Variants in MAPK10 observed in about 807,000 individuals in gnomAD.
The protein encoded by MAPK10 is mitogen-activated protein kinase 10.
MAPK10 carries 25 observed loss-of-function variants against 59.3 expected under a neutral mutation model. The ratio of observed to expected loss-of-function variants is 0.42; its 90% CI spans 0.31 to 0.59. The LOEUF is 0.59. Ranked by LOEUF, MAPK10 falls within the 20% of genes least tolerant of loss-of-function variation. The pLI, the probability that MAPK10 is intolerant of heterozygous loss-of-function variation, is 0.15. For missense variants in MAPK10, 351 were observed against 568.9 expected, an observed-to-expected ratio of 0.62 and a Z score of 3.90; for synonymous variants, 190 against 200.5, an observed-to-expected ratio of 0.95 and a Z score of 0.44.
intron 2 of MAPK10, among the ~76,000 whole-genome samples, chr4:86,319,822 C>A (rs1427677896): frequency 2.6e-5 from 4 of 152,206 alleles, no homozygotes; most frequent in Non-Finnish European, 5.9e-5. Context: ...TAAAGACAAC[C>A]CTGGGATACC....
At chr4:86,361,970 T>C (rs552160685), upstream of MAPK10, among the ~76,000 whole-genome samples, 5 of 152,104 alleles carry the variant, frequency 3.3e-5, no homozygotes, top group Non-Finnish European at 7.4e-5. Context: ...TGGTGTACTA[T>C]TGCACAGCAC....
In MAPK10 at chr4:86,433,741, C is replaced by G. The variant is rs537541823; in HGVS notation, c.-122+19289G>C. Among the ~76,000 whole-genome samples, 21 of 151,822 alleles carry G rather than the reference C, an allele frequency of 1.4e-4. No individual in the cohort carries two copies. The South Asian group carries it at 4.4e-3, about 32-fold the overall frequency. ...AAAAACTGCTGGACCACGACTAGGC[C>G]GAGCTGTGCCCAGTCCAAGGCTCTA... On this transcript the variant is annotated intron_variant, in intron 1 of 13. Transcript: ENST00000361569.
rs931496212 is a variant in MAPK10, at chr4:86,546,522, A to G, written c.-263+47388T>C. On this transcript the variant is annotated intron_variant, in intron 1 of 4. Transcript: ENST00000502302. ...CAGTGAGACGAGATCGCGCTACTGC[A>G]CTCCAGCCTGGGGGACAAGAGCGAA... is the stretch of plus-strand genomic sequence containing the variant. 3.5e-4 allele frequency among the ~76,000 whole-genome samples: 53 copies of G among 150,518 alleles called. 1 individual carries two copies. Among genetic ancestry groups the G allele is most frequent in the African/African-American group, 1.2e-3 (51 of 40,898 alleles).
intron 1 of MAPK10, among the ~76,000 whole-genome samples, chr4:86,527,815 G>A (rs187202991): frequency 5.0e-4 from 76 of 152,264 alleles, no homozygotes; most frequent in African/African-American, 1.7e-3. Context: ...GAAATACTAT[G>A]CAGCATAAAA....
chr4:86,314,724 A>G (rs2095743219), intron 2 of MAPK10, among the ~76,000 whole-genome samples: 1 of 152,194 alleles, frequency 6.6e-6, no homozygotes. Context: ...CTGATTACAA[A>G]GAGAATACAT....
At chr4:86,433,225 T>C (rs750671423) in intron 1 of MAPK10, among the ~76,000 whole-genome samples, 156 of 152,244 alleles carry the variant, frequency 1.0e-3, no homozygotes, top group Middle Eastern at 3.4e-3. Context: ...CTTTACTCCA[T>C]TGATGCCCAC....
At chr4:86,232,640 T>C (rs1466766308) in intron 2 of MAPK10, among the ~76,000 whole-genome samples, 3 of 151,752 alleles carry the variant, frequency 2.0e-5, no homozygotes, top group African/African-American at 4.9e-5. Context: ...CCCAAAGTGC[T>C]GGGATTACAG....
At chr4:86,387,192 G>A (rs1241242828) in intron 1 of MAPK10, among the ~76,000 whole-genome samples, 3 of 152,158 alleles carry the variant, frequency 2.0e-5, no homozygotes, top group East Asian at 1.9e-4. Flanking sequence ...AGCTGGTCAC[G>A]TTACGGCTGG....
chr4:86,346,008 G>A (rs998349304), intron 2 of MAPK10, among the ~76,000 whole-genome samples: 9 of 152,176 alleles, frequency 5.9e-5, no homozygotes, highest in African/African-American at 2.2e-4. Flanking sequence ...TTTTATACAT[G>A]ATATCAGATT....
At chr4:86,378,129 A>G (rs1465746052) in intron 1 of MAPK10, among the ~76,000 whole-genome samples, 1 of 152,174 alleles carries the variant, frequency 6.6e-6, no homozygotes, top group Non-Finnish European at 1.5e-5. Flanking sequence ...AACTTATATT[A>G]CACCATGTCT....
At chr4:86,312,569 C>G (rs1284584210) in intron 2 of MAPK10, among the ~76,000 whole-genome samples, 1 of 152,048 alleles carries the variant, frequency 6.6e-6, no homozygotes, top group Non-Finnish European at 1.5e-5. Flanking sequence ...TAAGGTTTTT[C>G]ACATAGTCTA....
intron 2 of MAPK10, among the ~76,000 whole-genome samples, chr4:86,273,508 A>C (rs1432703921): frequency 6.6e-6 from 1 of 152,010 alleles, no homozygotes; most frequent in East Asian, 1.9e-4. Flanking sequence ...ACTGGTGCCT[A>C]TTATCTCCAG....
intron 1 of MAPK10, among the ~76,000 whole-genome samples, chr4:86,474,792 C>A (rs952348861): frequency 6.6e-6 from 1 of 152,294 alleles, no homozygotes; most frequent in African/African-American, 2.4e-5. Flanking sequence ...TGAGCCCAAG[C>A]TAAGCCATCA....
chr4:86,463,645 G>A (rs1579306043), intron 1 of MAPK10, among the ~76,000 whole-genome samples: 1 of 152,152 alleles, frequency 6.6e-6, no homozygotes, highest in Non-Finnish European at 1.5e-5. Context: ...GCCACACAAA[G>A]TAGCCATATG....
At chr4:86,445,211 C>T (rs1564880887) in intron 1 of MAPK10, among the ~76,000 whole-genome samples, 1 of 152,168 alleles carries the variant, frequency 6.6e-6, no homozygotes, top group African/African-American at 2.4e-5. Flanking sequence ...AAATGTGGCA[C>T]ATATACACCA....
chr4:86,169,309 C>A (rs7698274), intron 3 of MAPK10, among the ~76,000 whole-genome samples: 50,279 of 151,818 alleles, frequency 0.33, 11,647 homozygotes, highest in African/African-American at 0.66. Flanking sequence ...GAAGTTAAAA[C>A]CTTTGAAAAA....
chr4:86,370,624 C>G (rs1471457232), intron 1 of MAPK10: 2 of 145,138 alleles, frequency 1.4e-5, no homozygotes, highest in Admixed American at 1.4e-4. Flanking sequence ...ACACGTGAAA[C>G]AAAAAAAAAA....
intron 1 of MAPK10, among the ~76,000 whole-genome samples, chr4:86,526,781 G>T (rs183800637): frequency 1.3e-5 from 2 of 152,058 alleles, no homozygotes; most frequent in African/African-American, 4.8e-5. Context: ...TATTTTCAAA[G>T]AATTTTTTGA....
At chr4:86,248,046 A>AAAG (rs1444383171) in intron 2 of MAPK10, among the ~76,000 whole-genome samples, 1 of 152,206 alleles carries the variant, frequency 6.6e-6, no homozygotes, top group African/African-American at 2.4e-5. Flanking sequence ...AGAGCTAAAT[A>AAAG]AAGAGTCAAA....
Sources: gnomAD v4.1 joint callset for allele counts (sites outside exome capture counted in the v4.1 genomes callset) on GRCh38, gnomAD v4.1.1 for gene constraint, MANE v1.5 for transcripts, NCBI Gene and HGNC (gene_info 2026-07-23, HGNC 2026-07-21) for gene names.